RAMP3: variants seen among roughly 807,000 people sequenced by gnomAD.
The protein encoded by RAMP3 is receptor activity-modifying protein 3.
A neutral mutation model predicts 13.5 loss-of-function variants in RAMP3; 14 were observed. That is an observed-to-expected ratio of 1.04 (90% CI 0.69 to 1.63). The LOEUF is 1.63. Ranked by LOEUF, RAMP3 falls within the 40% of genes most tolerant of loss-of-function variation. The pLI, the probability that RAMP3 is intolerant of heterozygous loss-of-function variation, is 0.00. For missense variants in RAMP3, 200 were observed against 204.8 expected, an observed-to-expected ratio of 0.98 and a Z score of 0.14; for synonymous variants, 106 against 88.3, an observed-to-expected ratio of 1.20 and a Z score of -1.12.
intron 1 of RAMP3, among the ~76,000 whole-genome samples, chr7:45,161,850 C>A (rs760540112): frequency 6.6e-6 from 1 of 151,706 alleles, no homozygotes; most frequent in Non-Finnish European, 1.5e-5. Context: ...TGGGCACTGG[C>A]CAGGAGGGAC....
chr7:45,177,204 G>A lies in RAMP3; in HGVS notation c.59-105G>A, dbSNP rs752440494. 1.8e-5 allele frequency: 26 copies of A among 1,460,380 alleles called. No individual in the cohort carries two copies. The East Asian group carries it at 2.5e-4, about 14-fold the overall frequency. 90.5% of individuals were successfully genotyped at this position (1,460,380 alleles called of 1,614,324 possible). On this transcript the variant is annotated intron_variant, in intron 1 of 2. Transcript: ENST00000242249. The stretch of plus-strand genomic sequence containing the variant: ...CTGGAACGGTCTCAGGCTTGCAAAC[G>A]GAGCCTTGCTAGTGAGTACTCAAGT...
chr7:45,158,940 C>G (rs1003930754), intron 1 of RAMP3, among the ~76,000 whole-genome samples: 3 of 152,188 alleles, frequency 2.0e-5, no homozygotes, highest in African/African-American at 7.2e-5. Context: ...AAATCAGGAG[C>G]ATGCTGATTT....
rs1276197819 is a variant in RAMP3 at position 45,173,717 on chromosome 7, T to C, written c.59-3592T>C. Among the ~76,000 whole-genome samples, 6 of 152,212 alleles carry C rather than the reference T, an allele frequency of 3.9e-5. No homozygotes were observed. In the South Asian group the frequency reaches 1.0e-3, roughly 26 times the overall value. On this transcript the variant is annotated intron_variant, in intron 1 of 2. Coordinates refer to ENST00000242249, the MANE Select transcript of RAMP3 (RefSeq NM_005856.3). ...GCTGTAGCTTTCCCTGTAGCCTCTG[T>C]AGGCTTCTGCCACTTCTGATAGTGT...
chr7:45,161,727 C>G (rs531068794), intron 1 of RAMP3, among the ~76,000 whole-genome samples: 1 of 151,430 alleles, frequency 6.6e-6, no homozygotes, highest in Non-Finnish European at 1.5e-5. Flanking sequence ...GGCTGGGTCT[C>G]GGTGGCCTGA....
intron 1 of RAMP3, among the ~76,000 whole-genome samples, chr7:45,164,304 T>C (rs1785917668): frequency 6.6e-6 from 1 of 152,224 alleles, no homozygotes. Context: ...ATTCCAGCAC[T>C]TTGGGAGGCC....
intron 1 of RAMP3, among the ~76,000 whole-genome samples, chr7:45,169,955 C>A (rs1241782981): frequency 4.6e-5 from 7 of 152,114 alleles, no homozygotes; most frequent in African/African-American, 1.7e-4. Context: ...GGAATTTGTC[C>A]ATTTCATTGA....
At chr7:45,162,840 C>T (rs183578621) in intron 1 of RAMP3, among the ~76,000 whole-genome samples, 13 of 152,268 alleles carry the variant, frequency 8.5e-5, no homozygotes, top group East Asian at 7.7e-4. Context: ...GGGGCAGAGC[C>T]GAGGTGAGCA....
At chr7:45,168,228 C>A (rs905558778) in intron 1 of RAMP3, among the ~76,000 whole-genome samples, 108 of 151,874 alleles carry the variant, frequency 7.1e-4, no homozygotes, top group African/African-American at 2.4e-3. Context: ...TGGTGAAACC[C>A]CGTCTCTACT....
At chr7:45,183,051 A>G in intron 2 of RAMP3, 106 bp from the exon 3 acceptor site, 1 of 1,488,270 alleles carries the variant, frequency 6.7e-7, no homozygotes, top group Non-Finnish European at 9.1e-7. Flanking sequence ...TAGGTGGCCA[A>G]ATGGGACTGT....
intron 1 of RAMP3, among the ~76,000 whole-genome samples, chr7:45,176,483 C>G (rs985785756): frequency 6.6e-6 from 1 of 151,754 alleles, no homozygotes; most frequent in African/African-American, 2.4e-5. Context: ...TGCCTGGGGT[C>G]TCTCTTGAGT....
chr7:45,170,640 T>TTTTA (rs1002907945), intron 1 of RAMP3, among the ~76,000 whole-genome samples: 2 of 151,884 alleles, frequency 1.3e-5, no homozygotes, highest in South Asian at 2.1e-4. Context: ...CCCGGCCTTA[T>TTTTA]TTTATTTATT....
chr7:45,177,195 C>T (rs1786204640), intron 1 of RAMP3, 114 bp from the exon 2 acceptor site: 1 of 1,396,476 alleles, frequency 7.2e-7, no homozygotes, highest in Non-Finnish European at 9.9e-7. Context: ...CGGTCTCAGG[C>T]TTGCAAACGG....
chr7:45,180,389 C>T (rs1044513717), intron 2 of RAMP3, among the ~76,000 whole-genome samples: 4 of 152,228 alleles, frequency 2.6e-5, no homozygotes, highest in African/African-American at 9.6e-5. Context: ...CCCACTGAAG[C>T]AGGGTGGGCC....
chr7:45,163,536 G>A (rs1316269746), intron 1 of RAMP3: 40 of 985,220 alleles, frequency 4.1e-5, no homozygotes, highest in Non-Finnish European at 4.5e-5. Context: ...CCAGAGGGTC[G>A]TGGAGCAGCA....
At chr7:45,180,841 G>C (rs537509649) in intron 2 of RAMP3, among the ~76,000 whole-genome samples, 2 of 152,346 alleles carry the variant, frequency 1.3e-5, no homozygotes, top group African/African-American at 4.8e-5. Flanking sequence ...AGAGTGCTCT[G>C]GGGAGCCTGA....
At chr7:45,158,056 AC>A (rs1005572743) in intron 1 of RAMP3, among the ~76,000 whole-genome samples, 170 bp downstream of exon 1, 10 of 152,022 alleles carry the variant, frequency 6.6e-5, no homozygotes, top group African/African-American at 2.4e-4. Context: ...GGAGGGTTCC[AC>A]CCGGGAGAAG....
chr7:45,173,802 G>A (rs1243060429), intron 1 of RAMP3, among the ~76,000 whole-genome samples: 1 of 152,210 alleles, frequency 6.6e-6, no homozygotes, highest in Non-Finnish European at 1.5e-5. Context: ...CTTGGGGACT[G>A]TCAGCAGCTT....
intron 1 of RAMP3, among the ~76,000 whole-genome samples, chr7:45,172,760 C>G (rs1212848213): frequency 6.6e-6 from 1 of 152,190 alleles, no homozygotes; most frequent in Non-Finnish European, 1.5e-5. Flanking sequence ...ATTATGGCAG[C>G]TTTCTGAGGG....
At chr7:45,158,537 C>T (rs1409185341) in intron 1 of RAMP3, among the ~76,000 whole-genome samples, 1 of 152,120 alleles carries the variant, frequency 6.6e-6, no homozygotes, top group Non-Finnish European at 1.5e-5. Context: ...TTTTGAAGTA[C>T]CTTGCTAAAG....
Sources: gnomAD v4.1 joint callset for allele counts (sites outside exome capture counted in the v4.1 genomes callset) on GRCh38, gnomAD v4.1.1 for gene constraint, MANE v1.5 for transcripts, NCBI Gene and HGNC (gene_info 2026-07-23, HGNC 2026-07-21) for gene names.